The following STAU2 variants were observed in gnomAD, a reference collection of about 807,000 sequenced individuals.
STAU2 encodes double-stranded RNA-binding protein Staufen homolog 2.
A neutral mutation model predicts 65.9 loss-of-function variants in STAU2; 20 were observed. The observed-to-expected ratio is 0.30, with a 90% CI of 0.21 to 0.44. The LOEUF is 0.44. Among genes scored for constraint, STAU2 ranks in the 20% least tolerant of loss-of-function variants. STAU2 has a pLI of 1.00. For synonymous variants in STAU2, 232 were observed against 233.9 expected (o/e 0.99, Z 0.07); for missense variants, 558 against 683.9 (o/e 0.82, Z 2.05).
At chr8:73,664,296 T>C (rs1817069042) in intron 6 of STAU2, among the ~76,000 whole-genome samples, 1 of 152,158 alleles carries the variant, frequency 6.6e-6, no homozygotes, top group South Asian at 2.1e-4. Context: ...AGTGCTGGGA[T>C]TACAGGCATG....
chr8:73,511,077 C>T (rs1225378517), intron 13 of STAU2, among the ~76,000 whole-genome samples: 1 of 152,224 alleles, frequency 6.6e-6, no homozygotes, highest in East Asian at 1.9e-4. Context: ...GGGTTCCTTC[C>T]TCTTTGGCTA....
At chr8:73,469,727 C>T (rs573645734) in intron 13 of STAU2, among the ~76,000 whole-genome samples, 5 of 152,182 alleles carry the variant, frequency 3.3e-5, no homozygotes, top group African/African-American at 1.2e-4. Flanking sequence ...GTGGCTGCTA[C>T]TGGATAAGAA....
Position 73,451,906 on chromosome 8 carries a change from C to T in STAU2, c.1531-29204G>A, listed in dbSNP as rs150298310. On this transcript the variant is annotated intron_variant, in intron 13 of 14. Transcript: ENST00000524300. ...CAGAGCTGGAGTTAAAGGAGCTTGG[C>T]GGCATGCTGCCCAAGGACTGAAGGC... Among the ~76,000 whole-genome samples the T allele has an allele frequency of 5.3e-4, 81 of 152,332 alleles. 1 individual carries two copies. The South Asian group carries it at 0.013, about 25-fold the overall frequency.
At chr8:73,555,812 T>C (rs1412976611) in intron 12 of STAU2, among the ~76,000 whole-genome samples, 1 of 152,214 alleles carries the variant, frequency 6.6e-6, no homozygotes, top group Non-Finnish European at 1.5e-5. Flanking sequence ...TGAAACCAAT[T>C]CTTCACGGAT....
chr8:73,650,957 T>A (rs539961733), intron 6 of STAU2, among the ~76,000 whole-genome samples: 2 of 152,326 alleles, frequency 1.3e-5, no homozygotes, highest in African/African-American at 4.8e-5. Flanking sequence ...TAAAGGAACA[T>A]CTTTGAGGAA....
intron 13 of STAU2, among the ~76,000 whole-genome samples, chr8:73,541,714 T>C (rs1335380815): frequency 6.6e-6 from 1 of 152,046 alleles, no homozygotes; most frequent in East Asian, 1.9e-4. Flanking sequence ...TCAGTAACTA[T>C]ACAGATATGG....
intron 11 of STAU2, among the ~76,000 whole-genome samples, chr8:73,587,919 T>A (rs1158986233): frequency 1.3e-5 from 2 of 152,170 alleles, no homozygotes; most frequent in African/African-American, 4.8e-5. Flanking sequence ...TTTTTATATA[T>A]GTATTATTTT....
chr8:73,451,744 A>G (rs560081232), intron 13 of STAU2, among the ~76,000 whole-genome samples: 1 of 152,024 alleles, frequency 6.6e-6, no homozygotes, highest in East Asian at 1.9e-4. Context: ...CTTGGCTTTT[A>G]TTTTTTTAAT....
intron 5 of STAU2, among the ~76,000 whole-genome samples, chr8:73,685,020 T>C (rs1363025580): frequency 6.6e-6 from 1 of 152,130 alleles, no homozygotes; most frequent in African/African-American, 2.4e-5. Flanking sequence ...TGGGGGCGGT[T>C]TCCCCCTTGC....
chr8:73,615,714 A>T lies in STAU2; in HGVS notation c.639T>A (p.Phe213Leu), dbSNP rs1222726861. 6.2e-7 allele frequency: 1 copy of T among 1,613,906 alleles called. No homozygotes were observed. The highest frequency in any genetic ancestry group is 8.5e-7 in the Non-Finnish European group (1 of 1,179,964). ...DANKSEISLV[F>L]EIALKRNMPV... ...GCATATTTCGCTTCAGAGCAATTTC[A>T]AACACTAAGCTGATCTCAGACTTAT... Residue 213 changes from phenylalanine to leucine, a missense_variant, in exon 8 of 15, where the codon TTT (phenylalanine) becomes TTA (leucine). Physicochemically the swap from Phe to Leu is conservative, Grantham distance 22 (BLOSUM62 0). Coordinates refer to ENST00000524300, the MANE Select transcript of STAU2 (RefSeq NM_001164380.2).
At chr8:73,560,845 T>G (rs558697528) in intron 12 of STAU2, among the ~76,000 whole-genome samples, 3 of 152,200 alleles carry the variant, frequency 2.0e-5, no homozygotes, top group Non-Finnish European at 4.4e-5. Flanking sequence ...GGAAATGCCT[T>G]TGGAAAGCTT....
At chr8:73,663,803 T>C (rs1247337679) in intron 6 of STAU2, among the ~76,000 whole-genome samples, 1 of 152,186 alleles carries the variant, frequency 6.6e-6, no homozygotes, top group Non-Finnish European at 1.5e-5. Context: ...CTGAATATGT[T>C]TTCACGCTAT....
intron 9 of STAU2, among the ~76,000 whole-genome samples, chr8:73,605,747 C>G (rs1364210029): frequency 6.6e-6 from 1 of 151,634 alleles, no homozygotes; most frequent in Non-Finnish European, 1.5e-5. Flanking sequence ...CTATGGCATT[C>G]AAGACAGTGT....
chr8:73,516,084 C>T (rs1273175313), intron 13 of STAU2, among the ~76,000 whole-genome samples: 1 of 151,924 alleles, frequency 6.6e-6, no homozygotes, highest in Non-Finnish European at 1.5e-5. Context: ...TAGGCACACA[C>T]CACCATGCCC....
At chr8:73,452,011 AG>A (rs1818825183) in intron 13 of STAU2, among the ~76,000 whole-genome samples, 1 of 152,204 alleles carries the variant, frequency 6.6e-6, no homozygotes, top group Non-Finnish European at 1.5e-5. Context: ...CAGCTTCTGC[AG>A]GATACAGCCT....
intron 7 of STAU2, among the ~76,000 whole-genome samples, chr8:73,616,331 C>T (rs1812832047): frequency 6.6e-6 from 1 of 152,038 alleles, no homozygotes; most frequent in African/African-American, 2.4e-5. Context: ...CTGTCAAGAA[C>T]TGGGAGAGAA....
intron 13 of STAU2, among the ~76,000 whole-genome samples, chr8:73,537,731 A>G (rs1450411102): frequency 1.3e-5 from 2 of 152,246 alleles, no homozygotes; most frequent in African/African-American, 2.4e-5. Flanking sequence ...AACAGAACGG[A>G]AATGATAAAA....
Position 73,603,719 on chromosome 8 carries a change from GA to G in STAU2, c.1029+6del, listed in dbSNP as rs1811808232. The G allele has an allele frequency of 1.9e-6, 3 of 1,609,954 alleles. No homozygotes were observed. On this transcript the variant is annotated splice_donor_region_variant and intron_variant, in intron 10 of 14. Coordinates refer to ENST00000524300, the MANE Select transcript of STAU2 (RefSeq NM_001164380.2). ...TCTTTTCAATAGTTTTAAAAGGTTA[GA>G]AATACCTGCATCACAAATTCTCGAC...
At chr8:73,728,332 A>G (rs1805797849) in intron 3 of STAU2, among the ~76,000 whole-genome samples, 1 of 152,172 alleles carries the variant, frequency 6.6e-6, no homozygotes, top group African/African-American at 2.4e-5. Context: ...TGATCATTGT[A>G]GCTTTGCAGT....
Sources: allele counts gnomAD v4.1 joint callset (sites outside exome capture counted in the v4.1 genomes callset), GRCh38; gene constraint gnomAD v4.1.1; transcripts MANE v1.5; gene names NCBI Gene and HGNC (gene_info 2026-07-23, HGNC 2026-07-21).